The following GRM3 variants were observed in gnomAD, a reference collection of about 807,000 sequenced individuals.
The protein encoded by GRM3 is glutamate metabotropic receptor 3.
Under a neutral mutation model 70.5 loss-of-function variants are expected in GRM3, and 26 were observed. The observed-to-expected ratio is 0.37, with a 90% CI of 0.27 to 0.51. GRM3 has a LOEUF of 0.51. GRM3 is among the 20% of genes least tolerant of loss of function. The probability of loss-of-function intolerance (pLI) is 0.93; values close to 1 mark genes in which losing one functional copy is unlikely to be tolerated. For synonymous variants in GRM3, 443 were observed against 434.9 expected (o/e 1.02, Z -0.23); for missense variants, 859 against 1,123.8 (o/e 0.76, Z 3.37).
intron 5 of GRM3, among the ~76,000 whole-genome samples, chr7:86,856,816 C>T (rs1262310161): frequency 2.6e-5 from 4 of 152,160 alleles, no homozygotes; most frequent in African/African-American, 9.7e-5. Flanking sequence ...ATCATTCTCT[C>T]TTTATCTCTA....
At chr7:86,799,239 T>G (rs930170185) in intron 3 of GRM3, among the ~76,000 whole-genome samples, 2 of 152,212 alleles carry the variant, frequency 1.3e-5, no homozygotes, top group Non-Finnish European at 2.9e-5. Context: ...CTTATCAGCT[T>G]AAGAAGGTTT....
chr7:86,651,049 T>C (rs916531152), intron 1 of GRM3, among the ~76,000 whole-genome samples: 4 of 152,154 alleles, frequency 2.6e-5, no homozygotes, highest in African/African-American at 9.7e-5. Context: ...ACACTAAGAA[T>C]AGGAGATGCA....
At position 86,786,649 on chromosome 7, in the gene GRM3, C is replaced by T. The variant is rs2116545336; in HGVS notation, c.857C>T (p.Ala286Val). ...AGCGACGACTCGCGGGAGCTCATTG[C>T]AGCCGCCAGCCGCGCCAATGCCTCC... ...MRSDDSRELI[A>V]AASRANASFT... Residue 286 changes from alanine (A) to valine (V), a missense_variant, in exon 3 of 6, where the codon GCA becomes GTA. Ala to Val is a moderately conservative substitution (Grantham distance 64, BLOSUM62 0). Coordinates refer to ENST00000361669, the MANE Select transcript of GRM3 (RefSeq NM_000840.3). This position sits in a 1 kb window ranked among gnomAD's most constrained non-coding sequence, Gnocchi z 6.0. 2 of 1,611,544 alleles carry T rather than the reference C, an allele frequency of 1.2e-6. No homozygotes were observed.
At chr7:86,742,633 G>A (rs1156256260) in intron 1 of GRM3, among the ~76,000 whole-genome samples, 1 of 152,072 alleles carries the variant, frequency 6.6e-6, no homozygotes, top group Non-Finnish European at 1.5e-5. Context: ...CCTGAAAGTC[G>A]GGTGGAAGAG....
chr7:86,822,102 TTCTC>T (rs145885795), intron 3 of GRM3, among the ~76,000 whole-genome samples: 16 of 152,256 alleles, frequency 1.1e-4, no homozygotes, highest in African/African-American at 3.8e-4. Context: ...CACCAGATCT[TTCTC>T]TCTCTCAAGA....
chr7:86,758,466 A>G (rs1166077643), intron 1 of GRM3, among the ~76,000 whole-genome samples: 3 of 152,162 alleles, frequency 2.0e-5, no homozygotes, highest in Admixed American at 2.0e-4. Context: ...AGGCTTTGTA[A>G]TGAGGGTAAG....
At chr7:86,683,251 G>T (rs1236606999) in intron 1 of GRM3, among the ~76,000 whole-genome samples, 1 of 152,172 alleles carries the variant, frequency 6.6e-6, no homozygotes, top group Non-Finnish European at 1.5e-5. Flanking sequence ...AAGGAGTCAA[G>T]TGGCCTGGGT....
chr7:86,781,659 C>T (rs573022707), intron 2 of GRM3, among the ~76,000 whole-genome samples: 1 of 152,138 alleles, frequency 6.6e-6, no homozygotes, highest in East Asian at 1.9e-4. Flanking sequence ...TGTTTTCTCA[C>T]CTATAAAACA....
intron 1 of GRM3, among the ~76,000 whole-genome samples, chr7:86,700,952 G>A (rs802469): frequency 0.012 from 1,821 of 151,950 alleles, 33 homozygotes; most frequent in African/African-American, 0.041. Context: ...GATGTTCATT[G>A]TAATTTTAAT....
intron 1 of GRM3, among the ~76,000 whole-genome samples, chr7:86,721,472 G>T (rs1313012052): frequency 6.6e-6 from 1 of 152,018 alleles, no homozygotes; most frequent in Admixed American, 6.6e-5. Flanking sequence ...TCCATGGAAA[G>T]AATAACCTAT....
chr7:86,694,503 C>A (rs1794766380), intron 1 of GRM3, among the ~76,000 whole-genome samples: 1 of 94,158 alleles, frequency 1.1e-5, no homozygotes, highest in African/African-American at 4.4e-5. Context: ...TAGAGCAAGA[C>A]TCTGTCTCAA....
chr7:86,810,454 T>C (rs959067248), intron 3 of GRM3, among the ~76,000 whole-genome samples: 1 of 152,056 alleles, frequency 6.6e-6, no homozygotes, highest in African/African-American at 2.4e-5. Flanking sequence ...TCGGGAGTTT[T>C]ATACTTTCGT....
At chr7:86,805,562 A>G (rs1255370209) in intron 3 of GRM3, among the ~76,000 whole-genome samples, 1 of 152,136 alleles carries the variant, frequency 6.6e-6, no homozygotes, top group South Asian at 2.1e-4. Context: ...TCACTGCCCT[A>G]AGACTCCCCT....
intron 4 of GRM3, among the ~76,000 whole-genome samples, chr7:86,843,363 T>C (rs1266496413): frequency 6.6e-6 from 1 of 152,122 alleles, no homozygotes; most frequent in Non-Finnish European, 1.5e-5. Context: ...ATCCATAATA[T>C]GAAGGACGGA....
chr7:86,776,742 A>T (rs983351126), intron 2 of GRM3, among the ~76,000 whole-genome samples: 5 of 152,226 alleles, frequency 3.3e-5, no homozygotes, highest in Admixed American at 1.3e-4. Context: ...AGACATTGTC[A>T]AAAATCAATA....
intron 1 of GRM3, among the ~76,000 whole-genome samples, chr7:86,760,910 G>A (rs562546448): frequency 6.6e-6 from 1 of 151,808 alleles, no homozygotes; most frequent in Non-Finnish European, 1.5e-5. Context: ...TTATTTTTAT[G>A]GTCTGCATAT....
chr7:86,802,544 C>T (rs1231841852), intron 3 of GRM3, among the ~76,000 whole-genome samples: 3 of 151,848 alleles, frequency 2.0e-5, no homozygotes, highest in African/African-American at 7.3e-5. Flanking sequence ...TCAGATTGCG[C>T]CAGATCAATA....
chr7:86,823,871 G>A (rs1178406718), intron 3 of GRM3, among the ~76,000 whole-genome samples: 2 of 152,256 alleles, frequency 1.3e-5, no homozygotes, highest in East Asian at 3.9e-4. Flanking sequence ...GTGACTAAAT[G>A]TCTGCATCCT....
intron 4 of GRM3, among the ~76,000 whole-genome samples, chr7:86,840,795 G>A (rs1055806071): frequency 2.0e-5 from 3 of 152,052 alleles, no homozygotes; most frequent in Non-Finnish European, 1.5e-5. Flanking sequence ...TTTACTTGCT[G>A]CACCATGATT....
Sources: allele counts gnomAD v4.1 joint callset (sites outside exome capture counted in the v4.1 genomes callset), GRCh38; gene constraint gnomAD v4.1.1; non-coding constraint Gnocchi (gnomAD v3.1); transcripts MANE v1.5; gene names NCBI Gene and HGNC (gene_info 2026-07-23, HGNC 2026-07-21).